NEBL: variants seen among roughly 807,000 people sequenced by gnomAD.
NEBL encodes the protein nebulette, also known as LIM and SH3 protein 2.
A neutral mutation model predicts 140.2 loss-of-function variants in NEBL; 122 were observed. The observed-to-expected ratio is 0.87, with a 90% CI of 0.75 to 1.01. NEBL has a LOEUF of 1.01. Among genes scored for constraint, NEBL ranks in the 50% least tolerant of loss-of-function variants. The pLI, the probability that NEBL is intolerant of heterozygous loss-of-function variation, is 0.00. For synonymous variants in NEBL, 436 were observed against 398.9 expected (o/e 1.09, Z -1.11); for missense variants, 1,365 against 1,231.3 (o/e 1.11, Z -1.62).
At chr10:20,836,259 C>G (rs1020989449) in intron 13 of NEBL, among the ~76,000 whole-genome samples, 27 of 152,052 alleles carry the variant, frequency 1.8e-4, no homozygotes, top group African/African-American at 6.3e-4. Flanking sequence ...GTCTTGCTCT[C>G]TCGCGCAGGC....
chr10:20,941,336 CAT>C (rs1292188088), intron 4 of NEBL, among the ~76,000 whole-genome samples: 1 of 152,192 alleles, frequency 6.6e-6, no homozygotes, highest in East Asian at 1.9e-4. Context: ...ACAAAAACCA[CAT>C]GATTATCTCA....
chr10:21,159,852 T>C lies in NEBL; in HGVS notation c.164+12531A>G, dbSNP rs117818160. Among the ~76,000 whole-genome samples, 251 of 152,364 alleles carry C rather than the reference T, an allele frequency of 1.6e-3. 1 individual carries two copies. The highest frequency in any genetic ancestry group is 3.4e-3 in the Middle Eastern group (1 of 294). On this transcript the variant is annotated intron_variant, in intron 2 of 6. Transcript: ENST00000417816. ...CCCCATCCCACGTTGGCAAAACTCC[T>C]GGATCTTACGTATCTCATAATGTGG...
chr10:21,231,928 G>A (rs1223007399), intron 3 of NEBL, among the ~76,000 whole-genome samples: 7 of 152,104 alleles, frequency 4.6e-5, no homozygotes, highest in Non-Finnish European at 1.0e-4. Flanking sequence ...GACACACCTC[G>A]CTATGCCCCC....
At chr10:20,904,194 T>C (rs1847994545) in intron 4 of NEBL, among the ~76,000 whole-genome samples, 1 of 152,174 alleles carries the variant, frequency 6.6e-6, no homozygotes, top group Non-Finnish European at 1.5e-5. Context: ...AAACCATAGA[T>C]AAGGGAGCAT....
chr10:20,833,307 C>A (rs1840590312), intron 14 of NEBL, among the ~76,000 whole-genome samples: 1 of 152,136 alleles, frequency 6.6e-6, no homozygotes, highest in South Asian at 2.1e-4. Context: ...TATGGGAAGG[C>A]TTGACTCTTG....
chr10:21,072,984 C>G (rs1589205713), intron 2 of NEBL, among the ~76,000 whole-genome samples: 2 of 152,008 alleles, frequency 1.3e-5, no homozygotes, highest in Non-Finnish European at 2.9e-5. Context: ...GACTATGACT[C>G]TGTCTCAGAA....
intron 3 of NEBL, among the ~76,000 whole-genome samples, chr10:20,994,003 G>A (rs1035098563): frequency 4.6e-5 from 7 of 152,112 alleles, no homozygotes; most frequent in Non-Finnish European, 1.0e-4. Context: ...TTAAACCACA[G>A]CCACATAAAC....
At chr10:20,918,778 G>A (rs1286507614) in intron 4 of NEBL, among the ~76,000 whole-genome samples, 1 of 151,162 alleles carries the variant, frequency 6.6e-6, no homozygotes, top group African/African-American at 2.4e-5. Flanking sequence ...GTAAACCCGG[G>A]AGGTAGAGCT....
At chr10:21,213,103 A>G (rs887482595) in intron 3 of NEBL, among the ~76,000 whole-genome samples, 3 of 152,136 alleles carry the variant, frequency 2.0e-5, no homozygotes, top group Non-Finnish European at 4.4e-5. Flanking sequence ...TTATCTCACA[A>G]TAACCCAAGC....
chr10:21,044,423 A>AAAAAAAAAC (rs1834416397), intron 2 of NEBL, among the ~76,000 whole-genome samples: 1 of 149,770 alleles, frequency 6.7e-6, no homozygotes, highest in Non-Finnish European at 1.5e-5. Context: ...AAAAAAAAAA[A>AAAAAAAAAC]AAAAGCTCCT....
chr10:21,202,607 C>T (rs1307907757), intron 3 of NEBL, among the ~76,000 whole-genome samples: 8 of 151,942 alleles, frequency 5.3e-5, no homozygotes, highest in East Asian at 3.9e-4. Flanking sequence ...GGACTACAGG[C>T]GCCTGCCACC....
At chr10:21,113,290 T>TAAAAAAAAAAAAAAAAAACA in intron 2 of NEBL, 1 of 115,124 alleles carries the variant, frequency 8.7e-6, no homozygotes, top group Non-Finnish European at 1.4e-5. Flanking sequence ...ATGAGAATCC[T>TAAAAAAAAAAAAAAAAAACA]AAAAAAAAAA....
At chr10:21,252,327 A>T (rs1842597690) in intron 1 of NEBL, among the ~76,000 whole-genome samples, 1 of 152,256 alleles carries the variant, frequency 6.6e-6, no homozygotes, top group African/African-American at 2.4e-5. Context: ...CTGGCAGAAT[A>T]TGTGGAAAAT....
intron 4 of NEBL, among the ~76,000 whole-genome samples, chr10:20,926,169 T>G (rs996767838): frequency 6.6e-6 from 1 of 152,214 alleles, no homozygotes; most frequent in African/African-American, 2.4e-5. Flanking sequence ...TCTTTTGCTA[T>G]GTTACAGGCA....
chr10:20,939,332 C>T (rs932803742), intron 4 of NEBL, among the ~76,000 whole-genome samples: 1 of 152,114 alleles, frequency 6.6e-6, no homozygotes, highest in African/African-American at 2.4e-5. Flanking sequence ...TCCAGCCAAA[C>T]TAAGCTTCTT....
In NEBL at chr10:20,860,561, C is replaced by CAAAAAA. The variant is rs879306514; in HGVS notation, c.685-736_685-735insTTTTTT. ...TTAGAATATAAACACAAGTTCACTA[C>CAAAAAA]AAAAAGAAAAAAAAAAAAAAAAAAA... On this transcript the variant is annotated intron_variant, in intron 7 of 27. Coordinates refer to ENST00000377122, the MANE Select transcript of NEBL (RefSeq NM_006393.3). 6.5e-3 allele frequency among the ~76,000 whole-genome samples: 399 copies of CAAAAAA among 61,436 alleles called. 58 individuals are homozygous for CAAAAAA. Among genetic ancestry groups the CAAAAAA allele is most frequent in the Middle Eastern group, 0.019 (1 of 54 alleles). The allele number at this position is 61,436 out of a possible 152,430, so 40.3% of individuals were successfully genotyped here. A position where few individuals can be genotyped will look rare whatever the true frequency, so the allele number is the denominator to read the frequency against.
rs545697579 is a variant in NEBL at position 21,125,733 on chromosome 10, T to G, written c.164+46650A>C. On this transcript the variant is annotated intron_variant, in intron 2 of 6. Coordinates refer to the NEBL transcript ENST00000417816. ...ACAGAGCTGCCTTTGAAGTCACATG[T>G]GCTCCACAGGGCACGGATGGAAACA... The G allele has an allele frequency of 1.2e-5, 11 of 938,478 alleles. No individual in the cohort carries two copies. In the African/African-American group the frequency reaches 1.8e-4, roughly 15 times the overall value. 58.1% of individuals were successfully genotyped at this position (938,478 alleles called of 1,614,324 possible).
intron 2 of NEBL, among the ~76,000 whole-genome samples, chr10:21,091,988 T>C (rs1327867893): frequency 6.6e-6 from 1 of 152,218 alleles, no homozygotes; most frequent in East Asian, 1.9e-4. Context: ...TTTTTACCCA[T>C]AGCTAATTTA....
intron 4 of NEBL, among the ~76,000 whole-genome samples, chr10:20,923,457 T>A (rs1667253322): frequency 1.3e-5 from 2 of 151,400 alleles, no homozygotes; most frequent in Admixed American, 6.6e-5. Flanking sequence ...GGTGGGTGGA[T>A]CACGAGGTCA....
Sources: gnomAD v4.1 joint callset for allele counts (sites outside exome capture counted in the v4.1 genomes callset) on GRCh38, gnomAD v4.1.1 for gene constraint, MANE v1.5 for transcripts, NCBI Gene and HGNC (gene_info 2026-07-23, HGNC 2026-07-21) for gene names.